The following MLH3 variants were observed in gnomAD, a reference collection of about 807,000 sequenced individuals.
MLH3 encodes the protein mutL homolog 3.
A neutral mutation model predicts 122.2 loss-of-function variants in MLH3; 82 were observed. The ratio of observed to expected loss-of-function variants is 0.67; its 90% confidence interval spans 0.56 to 0.81. MLH3 has a LOEUF of 0.81. Among genes scored for constraint, MLH3 ranks in the 30% least tolerant of loss-of-function variants. The probability of loss-of-function intolerance (pLI) is 0.00; values close to 1 mark genes in which losing one functional copy is unlikely to be tolerated. For synonymous variants in MLH3, 524 were observed against 599.5 expected (o/e 0.87, Z 1.84); for missense variants, 1,539 against 1,714.5 (o/e 0.90, Z 1.81).
intron 9 of MLH3, among the ~76,000 whole-genome samples, chr14:75,030,185 C>CT (rs955211361): frequency 6.6e-6 from 1 of 152,102 alleles, no homozygotes; most frequent in Admixed American, 6.5e-5. Context: ...AAGAAAACAG[C>CT]TTTTCTGTGA....
chr14:75,023,354 GCTGT>G (rs1299770346), intron 9 of MLH3, among the ~76,000 whole-genome samples: 5 of 152,280 alleles, frequency 3.3e-5, no homozygotes, highest in Middle Eastern at 3.4e-3. Flanking sequence ...TCACTAAAAG[GCTGT>G]CTGTTTGTGT....
intron 4 of MLH3, 139 bp downstream of exon 4, chr14:75,041,476 G>T: frequency 1.4e-6 from 1 of 705,544 alleles, no homozygotes. Flanking sequence ...TTGAACCTGG[G>T]AAGCGAAGGT....
intron 6 of MLH3, among the ~76,000 whole-genome samples, 194 bp from the exon 7 acceptor site, chr14:75,033,684 T>A (rs993392000): frequency 6.6e-6 from 1 of 152,196 alleles, no homozygotes; most frequent in Admixed American, 6.5e-5. Context: ...TTATCCCATA[T>A]GTTTGAATCC....
chr14:75,019,020 A>G (rs1366790534), intron 11 of MLH3, 40 bp from the exon 12 acceptor site: 1 of 1,589,696 alleles, frequency 6.3e-7, no homozygotes, highest in Non-Finnish European at 8.6e-7. Context: ...TAGTGTATAT[A>G]GTGGGAAACC....
At position 75,029,618 on chromosome 14, in the gene MLH3, C is replaced by T. The variant is rs183888255; in HGVS notation, c.3987+925G>A. 2.8e-3 allele frequency among the ~76,000 whole-genome samples: 421 copies of T among 152,120 alleles called. 1 individual carries two copies. Among genetic ancestry groups the T allele is most frequent in the Non-Finnish European group, 3.6e-3 (244 of 68,000 alleles). On this transcript the variant is annotated intron_variant, in intron 9 of 12. Transcript: ENST00000355774. ...TGGTGCAATCTTGGCTCAATGCAAC[C>T]TCCGCCTCCCAGGTTCAAGCCATTC...
intron 2 of MLH3, among the ~76,000 whole-genome samples, chr14:75,044,460 A>T (rs1287024844): frequency 6.6e-6 from 1 of 152,224 alleles, no homozygotes; most frequent in East Asian, 1.9e-4. Flanking sequence ...TTGGCACCAT[A>T]TCAGAAGCAG....
Position 75,029,245 on chromosome 14 carries a change from T to C in MLH3, c.3987+1298A>G, listed in dbSNP as rs150503948. On this transcript the variant is annotated intron_variant, in intron 9 of 12. Coordinates refer to ENST00000355774, the MANE Select transcript of MLH3 (RefSeq NM_001040108.2). Reference sequence around the variant, plus strand: ...TTCATTAAGTGGAAATGAATCATCATAAAGGTCTTCACCCTCATCATTTTC... The same window carrying C: ...TTCATTAAGTGGAAATGAATCATCACAAAGGTCTTCACCCTCATCATTTTC... 7.1e-4 allele frequency among the ~76,000 whole-genome samples: 108 copies of C among 151,868 alleles called. 2 individuals carry two copies. The highest frequency in any genetic ancestry group is 6.8e-3 in the Middle Eastern group (2 of 294).
rs1892467617 is a variant in MLH3 at position 75,048,946 on chromosome 14, C to T, written c.710G>A (p.Gly237Asp). ...GTAATGTGCTTCAGAGCTGATATAG[C>T]CACTAAGCTCAAACTCTTTATATTT... ...SFKYKEFELS[G>D]YISSEAHYNK... Residue 237 changes from glycine (G) to aspartate (D), a missense_variant, in exon 2 of 13, where the codon GGC (glycine) becomes GAC (aspartate). Gly to Asp is a moderately conservative substitution (Grantham distance 94). Coordinates refer to ENST00000355774, the MANE Select transcript of MLH3 (RefSeq NM_001040108.2). The T allele has an allele frequency of 1.9e-6, 3 of 1,613,126 alleles. No individual in the cohort carries two copies. The highest frequency in any genetic ancestry group is 1.7e-6 in the Non-Finnish European group (2 of 1,179,650).
chr14:75,024,368 AT>A (rs1221395235), intron 9 of MLH3, among the ~76,000 whole-genome samples: 1 of 151,784 alleles, frequency 6.6e-6, no homozygotes, highest in Non-Finnish European at 1.5e-5. Context: ...CGCCTGGCTA[AT>A]TTTGTATCTT....
chr14:75,017,892 T>C (rs772109089), intron 12 of MLH3, among the ~76,000 whole-genome samples: 8 of 152,170 alleles, frequency 5.3e-5, no homozygotes, highest in Non-Finnish European at 7.4e-5. Context: ...ATGCCTATAA[T>C]CCCAGCACTT....
At chr14:75,022,726 G>A in intron 11 of MLH3, 88 bp downstream of exon 11, 1 of 1,080,006 alleles carries the variant, frequency 9.3e-7, no homozygotes, top group Non-Finnish European at 1.4e-6. Context: ...AGTAGTAAAT[G>A]TACCCTCTGC....
chr14:75,018,979 C>A lies in MLH3; in HGVS notation c.4092G>T (p.Gly1364=), dbSNP rs1555386745. The change falls in exon 12 of 13, where the codon GGG becomes GGT. Residue 1364 remains glycine (G), a splice_region_variant and synonymous_variant. Coordinates refer to ENST00000355774, the MANE Select transcript of MLH3 (RefSeq NM_001040108.2). ...QKVLASQACH[G]AIKFNDGLSL... ...TCAGGCCATCATTAAACTTAATGGC[C>A]CCTAAATGAAAGACAGAAACAAGAA... 6.2e-7 allele frequency: 1 copy of A among 1,614,040 alleles called. No individual in the cohort carries two copies. The highest frequency in any genetic ancestry group is 8.5e-7 in the Non-Finnish European group (1 of 1,179,934).
Position 75,047,497 on chromosome 14 carries a change from T to C in MLH3, c.2159A>G (p.Tyr720Cys), listed in dbSNP as rs28756988. The C allele has an allele frequency of 5.1e-3, 8,204 of 1,614,094 alleles. 386 individuals carry two copies. The African/African-American group carries it at 0.098, about 19-fold the overall frequency. The change falls in exon 2 of 13, where the codon TAT becomes TGT. Residue 720 changes from tyrosine (Y) to cysteine (C), a missense_variant. Physicochemically the swap from Tyr to Cys is radical, Grantham distance 194. Coordinates refer to ENST00000355774, the MANE Select transcript of MLH3 (RefSeq NM_001040108.2). Reference protein sequence around the residue: ...LSDTSPSFPWYRHVSNDSRKT... With the variant: ...LSDTSPSFPWCRHVSNDSRKT... ...CCTACTATCATTGGAAACGTGTCTA[T>C]ACCAGGGGAAAGAGGGGGATGTATC...
rs1201029113 is a variant in MLH3, at chr14:75,047,163, T to C, written c.2493A>G (p.Pro831=). 5.6e-6 allele frequency: 9 copies of C among 1,614,052 alleles called. No individual in the cohort carries two copies. In the African/African-American group the frequency reaches 6.7e-5, roughly 12 times the overall value. ...ASHILNSEKF[P]FSKDEDCLEQ... The stretch of plus-strand genomic sequence containing the variant: ...CTAAACAATCTTCATCCTTGGAGAA[T>C]GGAAACTTCTCTGAGTTAAGGATGT... The change falls in exon 2 of 13, where the codon CCA becomes CCG. Residue 831 remains proline (P), a synonymous_variant. Transcript: ENST00000355774.
At chr14:75,036,090 T>G (rs1891383302) in intron 6 of MLH3, among the ~76,000 whole-genome samples, 1 of 152,192 alleles carries the variant, frequency 6.6e-6, no homozygotes, top group Non-Finnish European at 1.5e-5. Flanking sequence ...CAACATAACA[T>G]TCTTCTGTTT....
At chr14:75,050,261 T>A (rs888703986) in intron 1 of MLH3, among the ~76,000 whole-genome samples, 1 of 152,182 alleles carries the variant, frequency 6.6e-6, no homozygotes, top group African/African-American at 2.4e-5. Flanking sequence ...GTTATTATTA[T>A]TATGGTTAAG....
At chr14:75,044,649 A>C (rs1892091085) in intron 2 of MLH3, among the ~76,000 whole-genome samples, 1 of 152,240 alleles carries the variant, frequency 6.6e-6, no homozygotes, top group African/African-American at 2.4e-5. Context: ...ATACTACAAA[A>C]TACTATGAAA....
chr14:75,042,484 A>G lies in MLH3; in HGVS notation c.3281-7T>C, dbSNP rs887233770. On this transcript the variant is annotated splice_region_variant and splice_polypyrimidine_tract_variant and intron_variant, in intron 2 of 12. Coordinates refer to ENST00000355774, the MANE Select transcript of MLH3 (RefSeq NM_001040108.2). ...TGACACCTGTACTGAGACCCTAAAT[A>G]TAAGAAAGAAAAACCTAGAAATGTG... The G allele has an allele frequency of 6.2e-7, 1 of 1,604,788 alleles. No individual in the cohort carries two copies.
intron 6 of MLH3, among the ~76,000 whole-genome samples, chr14:75,035,665 C>G (rs1891356671): frequency 6.6e-6 from 1 of 152,160 alleles, no homozygotes; most frequent in Non-Finnish European, 1.5e-5. Context: ...ATTTACTAAA[C>G]AAGGTAAAGG....
Sources: gnomAD v4.1 joint callset for allele counts (sites outside exome capture counted in the v4.1 genomes callset) on GRCh38, gnomAD v4.1.1 for gene constraint, MANE v1.5 for transcripts, NCBI Gene and HGNC (gene_info 2026-07-23, HGNC 2026-07-21) for gene names.